MAGI1: variants seen among roughly 807,000 people sequenced by gnomAD.
The protein encoded by MAGI1 is membrane associated guanylate kinase, WW and PDZ domain containing 1.
A neutral mutation model predicts 139.9 loss-of-function variants in MAGI1; 58 were observed. That is an observed-to-expected ratio of 0.41 (90% CI 0.34 to 0.52). MAGI1 has a LOEUF of 0.52. Among genes scored for constraint, MAGI1 ranks in the 20% least tolerant of loss-of-function variants. The probability of loss-of-function intolerance (pLI) is 0.12; values close to 1 mark genes in which losing one functional copy is unlikely to be tolerated. For synonymous variants in MAGI1, 812 were observed against 737.9 expected (o/e 1.10, Z -1.63); for missense variants, 1,874 against 1,901.6 (o/e 0.99, Z 0.27).
At chr3:65,616,184 C>T (rs2083358127) in intron 2 of MAGI1, among the ~76,000 whole-genome samples, 1 of 147,040 alleles carries the variant, frequency 6.8e-6, no homozygotes, top group East Asian at 2.0e-4. Flanking sequence ...CACTAGCAAA[C>T]CGATGCATAG....
At chr3:65,760,548 C>T (rs1013164239) in intron 1 of MAGI1, among the ~76,000 whole-genome samples, 18 of 152,014 alleles carry the variant, frequency 1.2e-4, no homozygotes, top group African/African-American at 4.1e-4. Flanking sequence ...GACAGGAATA[C>T]AGGCACACAC....
chr3:66,036,819 T>C (rs1415599566), intron 1 of MAGI1, among the ~76,000 whole-genome samples: 2 of 152,224 alleles, frequency 1.3e-5, no homozygotes, highest in African/African-American at 4.8e-5. Flanking sequence ...GGGGAGAACC[T>C]GCGTCATGGC....
intron 1 of MAGI1, among the ~76,000 whole-genome samples, chr3:65,802,142 G>A (rs1157156306): frequency 6.6e-6 from 1 of 152,058 alleles, no homozygotes; most frequent in Non-Finnish European, 1.5e-5. Flanking sequence ...AAAAGGTTGG[G>A]GACCACTGCC....
chr3:65,886,935 C>T (rs1161904207), intron 1 of MAGI1, among the ~76,000 whole-genome samples: 1 of 152,144 alleles, frequency 6.6e-6, no homozygotes. Flanking sequence ...CTCCAAAAAA[C>T]ATTTCAGAAT....
intron 13 of MAGI1, among the ~76,000 whole-genome samples, chr3:65,396,153 A>G (rs1944380193): frequency 6.6e-6 from 1 of 152,168 alleles, no homozygotes; most frequent in African/African-American, 2.4e-5. Context: ...GAGCTTAGAA[A>G]CAAGGATATC....
At chr3:65,528,771 C>A (rs117051183) in intron 2 of MAGI1, among the ~76,000 whole-genome samples, 130 of 152,242 alleles carry the variant, frequency 8.5e-4, no homozygotes, top group Admixed American at 4.7e-3. Context: ...TGGAGTCAGG[C>A]GTAGTGGCTC....
In MAGI1 at chr3:65,735,113, T is replaced by C. The variant is rs1576938618; in HGVS notation, c.314-113025A>G. Among the ~76,000 whole-genome samples the C allele has an allele frequency of 2.0e-5, 3 of 152,304 alleles. No homozygotes were observed. The South Asian group carries it at 6.2e-4, about 32-fold the overall frequency. On this transcript the variant is annotated intron_variant, in intron 1 of 22. Coordinates refer to ENST00000402939, the MANE Select transcript of MAGI1 (RefSeq NM_001033057.2). ...AAAGCTAAATTTAAATATCTATGAA[T>C]GTCATTTAACCTCTGAAGATGTTTC...
chr3:66,029,809 G>A lies in MAGI1; in HGVS notation c.313+8187C>T, dbSNP rs549133059. 3.9e-5 allele frequency among the ~76,000 whole-genome samples: 6 copies of A among 152,256 alleles called. No individual in the cohort carries two copies. In the South Asian group the frequency reaches 1.2e-3, roughly 32 times the overall value. The stretch of plus-strand genomic sequence containing the variant: ...GCACACAGGACTGAAAGTGGACTGA[G>A]GCCAATGACTTGGCTAAGTAAGGGA... On this transcript the variant is annotated intron_variant, in intron 1 of 22. Coordinates refer to ENST00000402939, the MANE Select transcript of MAGI1 (RefSeq NM_001033057.2).
intron 1 of MAGI1, among the ~76,000 whole-genome samples, chr3:65,861,110 C>A (rs964964506): frequency 6.6e-6 from 1 of 152,106 alleles, no homozygotes; most frequent in Non-Finnish European, 1.5e-5. Context: ...GGGCCAGGGA[C>A]ACACTCAAAA....
intron 4 of MAGI1, among the ~76,000 whole-genome samples, chr3:65,470,880 T>C (rs1384391197): frequency 2.6e-5 from 4 of 152,222 alleles, no homozygotes; most frequent in Non-Finnish European, 2.9e-5. Context: ...CAGAAGATGT[T>C]TGGGCACAAA....
At chr3:65,658,804 C>T (rs781119415) in intron 1 of MAGI1, among the ~76,000 whole-genome samples, 12 of 152,284 alleles carry the variant, frequency 7.9e-5, no homozygotes, top group South Asian at 2.1e-4. Context: ...AATGTCAAAA[C>T]GAAGTGAAAT....
chr3:65,896,268 T>A (rs2060964668), intron 1 of MAGI1, among the ~76,000 whole-genome samples: 1 of 151,920 alleles, frequency 6.6e-6, no homozygotes, highest in Non-Finnish European at 1.5e-5. Flanking sequence ...AATAAGTATT[T>A]TTATTATTAT....
intron 1 of MAGI1, among the ~76,000 whole-genome samples, chr3:66,030,509 G>A (rs2107593850): frequency 6.6e-6 from 1 of 152,278 alleles, no homozygotes; most frequent in East Asian, 1.9e-4. Flanking sequence ...TTTACTTGTG[G>A]TGAAGCGATC....
At chr3:65,359,345 C>A in intron 22 of MAGI1, 1 of 1,376,848 alleles carries the variant, frequency 7.3e-7, no homozygotes. Flanking sequence ...GCTGCAGAGA[C>A]CGCAATCGGA....
intron 2 of MAGI1, among the ~76,000 whole-genome samples, chr3:65,548,861 A>AG (rs1423634885): frequency 6.6e-6 from 1 of 152,056 alleles, no homozygotes; most frequent in East Asian, 1.9e-4. Context: ...AGGCTACTGG[A>AG]GGGGTGGGGT....
chr3:65,728,958 T>C (rs2033897485), intron 1 of MAGI1, among the ~76,000 whole-genome samples: 1 of 152,146 alleles, frequency 6.6e-6, no homozygotes, highest in African/African-American at 2.4e-5. Context: ...TTAATAACTC[T>C]TGAGATTAAA....
intron 1 of MAGI1, among the ~76,000 whole-genome samples, chr3:65,860,645 G>C (rs1307409589): frequency 6.6e-6 from 1 of 152,164 alleles, no homozygotes; most frequent in African/African-American, 2.4e-5. Flanking sequence ...CCCCTAGGAT[G>C]GTGTCAAGAG....
intron 1 of MAGI1, among the ~76,000 whole-genome samples, chr3:65,741,539 G>C (rs373688815): frequency 1.3e-5 from 2 of 152,274 alleles, no homozygotes; most frequent in South Asian, 4.1e-4. Flanking sequence ...AGTTCTTGTT[G>C]TTGGCTCCTG....
intron 1 of MAGI1, among the ~76,000 whole-genome samples, chr3:65,825,389 A>C (rs1187292061): frequency 6.6e-6 from 1 of 152,194 alleles, no homozygotes; most frequent in Non-Finnish European, 1.5e-5. Flanking sequence ...ATTGGCTCAC[A>C]AAAGTAGCAC....
Sources: allele counts gnomAD v4.1 joint callset (sites outside exome capture counted in the v4.1 genomes callset), GRCh38; gene constraint gnomAD v4.1.1; transcripts MANE v1.5; gene names NCBI Gene and HGNC (gene_info 2026-07-23, HGNC 2026-07-21).